Variants in SRGAP1 observed in about 807,000 individuals in gnomAD.
SRGAP1 encodes SLIT-ROBO Rho GTPase activating protein 1, also known as SLIT-ROBO Rho GTPase-activating protein 1.
In SRGAP1, 43 loss-of-function variants were observed where a neutral mutation model predicts 121.9. The observed-to-expected ratio is 0.35, with a 90% CI of 0.28 to 0.46. The LOEUF (loss-of-function observed/expected upper bound fraction) is 0.46, where lower values mean the gene tolerates loss of function less well. SRGAP1 is among the 20% of genes least tolerant of loss of function. The pLI is 1.00. For synonymous variants in SRGAP1, 447 were observed against 485.4 expected (o/e 0.92, Z 1.04); for missense variants, 1,102 against 1,350.9 (o/e 0.82, Z 2.89).
chr12:63,911,313 A>AAAAAG (rs1276809340), intron 1 of SRGAP1, among the ~76,000 whole-genome samples: 3 of 151,696 alleles, frequency 2.0e-5, no homozygotes, highest in African/African-American at 7.3e-5. Flanking sequence ...AAAAAAAAAA[A>AAAAAG]AAAAGAAAAG....
intron 1 of SRGAP1, among the ~76,000 whole-genome samples, chr12:63,954,684 A>AAAAAAAAAAAAAAAAG (rs2032406436): frequency 6.8e-6 from 1 of 146,640 alleles, no homozygotes; most frequent in African/African-American, 2.6e-5. Flanking sequence ...TCTCAAAAAA[A>AAAAAAAAAAAAAAAAG]AAAAAAAAGA....
intron 21 of SRGAP1, among the ~76,000 whole-genome samples, chr12:64,138,895 T>C (rs1458721179): frequency 1.3e-5 from 2 of 152,170 alleles, no homozygotes; most frequent in Non-Finnish European, 2.9e-5. Flanking sequence ...AGTGATAATA[T>C]TTCTCCAAAA....
At chr12:64,141,570 A>G (rs2136654428) in intron 21 of SRGAP1, among the ~76,000 whole-genome samples, 1 of 152,248 alleles carries the variant, frequency 6.6e-6, no homozygotes, top group South Asian at 2.1e-4. Flanking sequence ...ACAGAGCAAG[A>G]CTGCATCTTG....
intron 3 of SRGAP1, among the ~76,000 whole-genome samples, chr12:64,013,573 AC>A (rs2136459448): frequency 6.6e-6 from 1 of 152,326 alleles, no homozygotes; most frequent in East Asian, 1.9e-4. Context: ...CCAAGGGTCT[AC>A]CTACTGAAAG....
Position 64,094,952 on chromosome 12 carries a change from C to T in SRGAP1, c.1560C>T (p.Pro520=), listed in dbSNP as rs1251838598. 2.5e-6 allele frequency: 4 copies of T among 1,614,064 alleles called. No individual in the cohort carries two copies. The highest frequency in any genetic ancestry group is 1.7e-6 in the Non-Finnish European group (2 of 1,179,968). ...TFVKDSGQVI[P]LIVESCIRFI... ...CCCAGGACTCAGGACAGGTTATTCCCCTCATTGTGGAAAGCTGTATTCGGT... is the reference window on the plus strand; with the variant it reads ...CCCAGGACTCAGGACAGGTTATTCCTCTCATTGTGGAAAGCTGTATTCGGT... The change falls in exon 13 of 22, where the codon CCC becomes CCT. Residue 520 remains proline (P), a synonymous_variant. Coordinates refer to ENST00000355086, the MANE Select transcript of SRGAP1 (RefSeq NM_020762.4).
At chr12:64,058,434 C>T (rs2035384426) in intron 6 of SRGAP1, among the ~76,000 whole-genome samples, 1 of 152,116 alleles carries the variant, frequency 6.6e-6, no homozygotes, top group African/African-American at 2.4e-5. Context: ...ACCCTTTTGC[C>T]TAAGAAAATT....
intron 1 of SRGAP1, chr12:63,871,861 C>T (rs771928694): frequency 1.4e-6 from 2 of 1,467,516 alleles, no homozygotes; most frequent in Non-Finnish European, 9.5e-7. Context: ...AGCCTTAGCA[C>T]AACCTTCTTT....
chr12:64,090,855 G>A (rs1163797268), intron 11 of SRGAP1, among the ~76,000 whole-genome samples: 1 of 151,978 alleles, frequency 6.6e-6, no homozygotes, highest in Non-Finnish European at 1.5e-5. Flanking sequence ...AAAAAATTAT[G>A]TGTACCTAAA....
chr12:64,024,973 C>A (rs768037757), intron 4 of SRGAP1, among the ~76,000 whole-genome samples: 3 of 152,044 alleles, frequency 2.0e-5, no homozygotes, highest in Non-Finnish European at 4.4e-5. Flanking sequence ...GGGGACACAG[C>A]CAAACCATAT....
At chr12:63,893,275 T>G (rs61937065) in intron 1 of SRGAP1, among the ~76,000 whole-genome samples, 7,321 of 152,242 alleles carry the variant, frequency 0.048, 274 homozygotes, top group Middle Eastern at 0.14. Context: ...ATAAAGAAAG[T>G]GAAGACTGAG....
intron 1 of SRGAP1, among the ~76,000 whole-genome samples, chr12:63,899,172 A>G: frequency 6.6e-6 from 1 of 152,152 alleles, no homozygotes; most frequent in Non-Finnish European, 1.5e-5. Flanking sequence ...ACTTTAGTTC[A>G]GGAATTTGAA....
chr12:63,956,720 C>CTTTTTTTTTTTTTT (rs3067620), intron 1 of SRGAP1, among the ~76,000 whole-genome samples: 1 of 96,978 alleles, frequency 1.0e-5, no homozygotes, highest in Non-Finnish European at 2.0e-5. Context: ...GTAAGCAAGG[C>CTTTTTTTTTTTTTT]TTTTTTTTTT....
chr12:64,081,870 T>G (rs1357321316), intron 10 of SRGAP1: 2 of 151,722 alleles, frequency 1.3e-5, no homozygotes, highest in Non-Finnish European at 2.9e-5. Context: ...TAAGGATACT[T>G]CCTGTACTGC....
intron 1 of SRGAP1, chr12:63,871,832 G>C: frequency 7.1e-7 from 1 of 1,417,538 alleles, no homozygotes; most frequent in Non-Finnish European, 1.0e-6. Context: ...TGGATCTGCA[G>C]TTAGGCTCAA....
intron 10 of SRGAP1, among the ~76,000 whole-genome samples, chr12:64,085,889 G>A (rs1271395180): frequency 6.6e-6 from 1 of 152,122 alleles, no homozygotes; most frequent in Non-Finnish European, 1.5e-5. Flanking sequence ...CTGTGGCCTG[G>A]CCCTATGTGA....
chr12:64,065,304 A>G (rs2035518859), intron 8 of SRGAP1, 85 bp downstream of exon 8: 1 of 1,181,510 alleles, frequency 8.5e-7, no homozygotes, highest in East Asian at 2.6e-5. Context: ...GGCATATTTA[A>G]TATTCAAGAT....
At position 63,952,477 on chromosome 12, in the gene SRGAP1, T is replaced by C. The variant is rs565373122; in HGVS notation, c.68-31470T>C. On this transcript the variant is annotated intron_variant, in intron 1 of 21. Transcript: ENST00000355086. ...GCTGCAGTGAGCTATGATTGTGCAC[T>C]GCACTACAGCCCAGGCAATAGAGTA... 2.0e-5 allele frequency among the ~76,000 whole-genome samples: 3 copies of C among 152,204 alleles called. No homozygotes were observed. In the East Asian group the frequency reaches 5.8e-4, roughly 29 times the overall value.
At chr12:64,023,201 T>TA (rs2034586877) in intron 4 of SRGAP1, among the ~76,000 whole-genome samples, 1 of 87,466 alleles carries the variant, frequency 1.1e-5, no homozygotes, top group African/African-American at 5.2e-5. Flanking sequence ...GTTACTTTTG[T>TA]ACCAAAAAAA....
chr12:63,970,546 G>A (rs1334360853), intron 1 of SRGAP1, among the ~76,000 whole-genome samples: 1 of 152,156 alleles, frequency 6.6e-6, no homozygotes, highest in African/African-American at 2.4e-5. Flanking sequence ...ACTTTTCAAA[G>A]TAGTTTGCAA....
Sources: gnomAD v4.1 joint callset for allele counts (sites outside exome capture counted in the v4.1 genomes callset) on GRCh38, gnomAD v4.1.1 for gene constraint, MANE v1.5 for transcripts, NCBI Gene and HGNC (gene_info 2026-07-23, HGNC 2026-07-21) for gene names.